XRCC5: variants seen among roughly 807,000 people sequenced by gnomAD.
XRCC5 encodes the protein DNA repair protein Ku80.
A neutral mutation model predicts 95.7 loss-of-function variants in XRCC5; 12 were observed. That is an observed-to-expected ratio of 0.13 (90% confidence interval 0.08 to 0.20). The LOEUF (loss-of-function observed/expected upper bound fraction) is 0.20. Among genes scored for constraint, XRCC5 ranks in the 10% least tolerant of loss-of-function variants. The pLI is 1.00. For missense variants in XRCC5, 595 were observed against 873.9 expected (o/e 0.68, Z 4.02); for synonymous variants, 281 against 290.3 (o/e 0.97, Z 0.33).
intron 3 of XRCC5, chr2:216,117,495 T>A (rs765518921): frequency 2.9e-5 from 14 of 476,586 alleles, no homozygotes; most frequent in Non-Finnish European, 4.6e-5. Flanking sequence ...AATTTTTGGT[T>A]AAATGAATGC....
At chr2:216,193,067 TC>T (rs1689648293) in intron 18 of XRCC5, among the ~76,000 whole-genome samples, 1 of 152,194 alleles carries the variant, frequency 6.6e-6, no homozygotes, top group Admixed American at 6.5e-5. Context: ...CTTTCTCAGA[TC>T]CTTAGGCCAT....
Position 216,120,584 on chromosome 2 carries a change from A to AT in XRCC5, c.491+1430dup, listed in dbSNP as rs75002717. On this transcript the variant is annotated intron_variant, in intron 5 of 20. Coordinates refer to ENST00000392132, the MANE Select transcript of XRCC5 (RefSeq NM_021141.4). ...GTGTTCTGTTTTTAATTTATTTTTA[A>AT]TTTTTTTTTTTAGAAACGTCTTCTG... 3.8e-4 allele frequency among the ~76,000 whole-genome samples: 57 copies of AT among 148,280 alleles called. 1 individual carries two copies. The highest frequency in any genetic ancestry group is 6.4e-4 in the African/African-American group (26 of 40,560).
At chr2:216,158,811 A>C (rs1019038429) in intron 14 of XRCC5, among the ~76,000 whole-genome samples, 1 of 152,168 alleles carries the variant, frequency 6.6e-6, no homozygotes, top group Admixed American at 6.6e-5. Flanking sequence ...CCTACCTCTA[A>C]GAGGAAATTC....
At chr2:216,205,149 G>A in intron 20 of XRCC5, 39 bp from the exon 21 acceptor site, 1 of 1,613,434 alleles carries the variant, frequency 6.2e-7, no homozygotes, top group South Asian at 1.1e-5. Context: ...GTATGAAATT[G>A]GCCTGATTCC....
At chr2:216,120,070 GTCTTC>G (rs2106002796) in intron 5 of XRCC5, among the ~76,000 whole-genome samples, 1 of 151,908 alleles carries the variant, frequency 6.6e-6, no homozygotes, top group African/African-American at 2.4e-5. Flanking sequence ...TGTGTGAGTA[GTCTTC>G]TCTTAAGACT....
intron 14 of XRCC5, among the ~76,000 whole-genome samples, chr2:216,152,686 G>T (rs865866249): frequency 1.3e-5 from 2 of 148,830 alleles, no homozygotes; most frequent in African/African-American, 2.5e-5. Flanking sequence ...GAGACAGGGT[G>T]TCTCTCTGTC....
Position 216,130,863 on chromosome 2 carries a change from C to G in XRCC5, c.938-12C>G, listed in dbSNP as rs1235548602. ...CCATATGCTTAACAGATGCTCTTCT[C>G]TTTTTCTCCAGGGTTCCGCTATGGA... is the stretch of plus-strand genomic sequence containing the variant. On this transcript the variant is annotated splice_polypyrimidine_tract_variant and intron_variant, in intron 8 of 20. Coordinates refer to ENST00000392132, the MANE Select transcript of XRCC5 (RefSeq NM_021141.4). 2.5e-6 allele frequency: 4 copies of G among 1,587,888 alleles called. No homozygotes were observed. Among genetic ancestry groups the G allele is most frequent in the Non-Finnish European group, 3.4e-6 (4 of 1,164,090 alleles).
intron 13 of XRCC5, among the ~76,000 whole-genome samples, chr2:216,141,549 T>C (rs1697170806): frequency 3.7e-5 from 3 of 81,242 alleles, no homozygotes; most frequent in Non-Finnish European, 8.7e-5. Flanking sequence ...TCTTTTTTTT[T>C]TTTTTTTTTT....
intron 19 of XRCC5, among the ~76,000 whole-genome samples, chr2:216,199,312 A>G (rs1206176902): frequency 6.6e-6 from 1 of 152,254 alleles, no homozygotes; most frequent in South Asian, 2.1e-4. Flanking sequence ...TTACATTTGT[A>G]TAACATCTTA....
At chr2:216,131,107 A>G (rs1203831986) in intron 9 of XRCC5, 120 bp downstream of exon 9, 1 of 1,412,610 alleles carries the variant, frequency 7.1e-7, no homozygotes, top group Admixed American at 3.0e-5. Flanking sequence ...TCTAAAATGT[A>G]GTCTGGGGGT....
At chr2:216,181,089 A>G (rs940234607) in intron 16 of XRCC5, among the ~76,000 whole-genome samples, 2 of 152,084 alleles carry the variant, frequency 1.3e-5, no homozygotes, top group African/African-American at 4.8e-5. Flanking sequence ...CTGGGAATAC[A>G]GGCACGAACC....
At chr2:216,172,463 T>C (rs938071442) in intron 16 of XRCC5, among the ~76,000 whole-genome samples, 1 of 126,044 alleles carries the variant, frequency 7.9e-6, no homozygotes, top group Non-Finnish European at 1.7e-5. Flanking sequence ...CATCAGCTTT[T>C]CTTTTCTTTT....
In XRCC5 at chr2:216,109,362, G is replaced by C; in HGVS notation, c.-75G>C. The C allele has an allele frequency of 1.2e-6, 2 of 1,609,762 alleles. No homozygotes were observed. Among genetic ancestry groups the C allele is most frequent in the Non-Finnish European group, 1.7e-6 (2 of 1,177,858 alleles). ...CGGCTCTTTCCGCTATCTGCCGCTTGTCCACCGGAAGCGAGTTGCGACACG... is the reference window on the plus strand; with the variant it reads ...CGGCTCTTTCCGCTATCTGCCGCTTCTCCACCGGAAGCGAGTTGCGACACG... On this transcript the variant is annotated 5_prime_UTR_variant, in exon 1 of 21. Coordinates refer to ENST00000392132, the MANE Select transcript of XRCC5 (RefSeq NM_021141.4).
chr2:216,177,406 C>T (rs1689298721), intron 16 of XRCC5, among the ~76,000 whole-genome samples: 1 of 152,106 alleles, frequency 6.6e-6, no homozygotes, highest in African/African-American at 2.4e-5. Context: ...AAAACACTGT[C>T]AATTCAGGTA....
chr2:216,137,030 C>A (rs760157333), intron 10 of XRCC5, 58 bp from the exon 11 acceptor site: 29 of 1,568,962 alleles, frequency 1.8e-5, no homozygotes, highest in Non-Finnish European at 2.5e-5. Flanking sequence ...GTATTGAGTT[C>A]TGTTGTGAAA....
chr2:216,163,367 G>A (rs904498193), intron 16 of XRCC5, among the ~76,000 whole-genome samples: 1 of 152,060 alleles, frequency 6.6e-6, no homozygotes, highest in Non-Finnish European at 1.5e-5. Context: ...CCAGGCTGGA[G>A]TGCAGTGGTG....
intron 14 of XRCC5, among the ~76,000 whole-genome samples, chr2:216,151,465 C>G (rs1466306144): frequency 6.6e-6 from 1 of 152,228 alleles, no homozygotes; most frequent in Non-Finnish European, 1.5e-5. Context: ...CACTTACTCT[C>G]AGCAGACATC....
intron 16 of XRCC5, among the ~76,000 whole-genome samples, chr2:216,173,000 T>A (rs75128513): frequency 0.012 from 1,852 of 152,266 alleles, 34 homozygotes; most frequent in African/African-American, 0.042. Context: ...TTTGATGATG[T>A]TGTGAGTGGA....
At chr2:216,170,798 C>G (rs1463321682) in intron 16 of XRCC5, among the ~76,000 whole-genome samples, 2 of 152,234 alleles carry the variant, frequency 1.3e-5, no homozygotes, top group Non-Finnish European at 2.9e-5. Flanking sequence ...GCAGTAAGTG[C>G]TAATGAGTAT....
Sources: gnomAD v4.1 joint callset for allele counts (sites outside exome capture counted in the v4.1 genomes callset) on GRCh38, gnomAD v4.1.1 for gene constraint, MANE v1.5 for transcripts, NCBI Gene and HGNC (gene_info 2026-07-23, HGNC 2026-07-21) for gene names.